USP25: variants seen among roughly 807,000 people sequenced by gnomAD.
USP25 encodes ubiquitin specific peptidase 25, also known as ubiquitin carboxyl-terminal hydrolase 25.
Under a neutral mutation model 158.5 loss-of-function variants are expected in USP25, and 85 were observed. The ratio of observed to expected loss-of-function variants is 0.54; its 90% CI spans 0.45 to 0.64. The LOEUF (loss-of-function observed/expected upper bound fraction) is 0.64. Ranked by LOEUF, USP25 falls within the 30% of genes least tolerant of loss-of-function variation. The probability of loss-of-function intolerance (pLI) is 0.00; values close to 1 mark genes in which losing one functional copy is unlikely to be tolerated. For synonymous variants in USP25, 464 were observed against 460.4 expected, an observed-to-expected ratio of 1.01 and a Z score of -0.10; for missense variants, 1,242 against 1,327.3, an observed-to-expected ratio of 0.94 and a Z score of 1.00.
intron 22 of USP25, among the ~76,000 whole-genome samples, chr21:15,867,110 C>A (rs575472805): frequency 1.3e-5 from 2 of 152,120 alleles, no homozygotes; most frequent in African/African-American, 4.8e-5. Context: ...TTTTTGTGCA[C>A]AAAATTATTT....
chr21:15,847,841 G>T, intron 19 of USP25, 65 bp downstream of exon 19: 1 of 1,082,196 alleles, frequency 9.2e-7, no homozygotes, highest in East Asian at 2.6e-5. Context: ...AATACTTTGG[G>T]CATGCCTGCA....
chr21:15,814,153 T>C (rs1186590148), intron 9 of USP25, among the ~76,000 whole-genome samples: 1 of 149,780 alleles, frequency 6.7e-6, no homozygotes, highest in Non-Finnish European at 1.5e-5. Context: ...TTGAGATTTA[T>C]CTGGGGTTTC....
In USP25 at chr21:15,766,151, C is replaced by G; in HGVS notation, c.268+10C>G. The G allele has an allele frequency of 4.4e-6, 7 of 1,579,310 alleles. No homozygotes were observed. Among genetic ancestry groups the G allele is most frequent in the Non-Finnish European group, 6.0e-6 (7 of 1,169,842 alleles). Reference sequence around the variant, plus strand: ...AGCCAAGCAGATACAAGTAAGTTTTCTTTCTTTTCTTATTATTTTAATAGA... The same window carrying G: ...AGCCAAGCAGATACAAGTAAGTTTTGTTTCTTTTCTTATTATTTTAATAGA... On this transcript the variant is annotated intron_variant, in intron 3 of 25. Coordinates refer to ENST00000400183, the MANE Select transcript of USP25 (RefSeq NM_001283041.3). The surrounding 1 kb of genome is among the most constrained non-coding windows in gnomAD (Gnocchi z 4.0).
chr21:15,788,243 T>C (rs1409776102), intron 4 of USP25, among the ~76,000 whole-genome samples: 2 of 151,716 alleles, frequency 1.3e-5, no homozygotes, highest in African/African-American at 4.8e-5. Flanking sequence ...AGAGCTTGGG[T>C]AGTATCATTG....
chr21:15,861,665 G>T (rs2039432083), intron 20 of USP25, among the ~76,000 whole-genome samples: 1 of 152,096 alleles, frequency 6.6e-6, no homozygotes, highest in Non-Finnish European at 1.5e-5. Flanking sequence ...TCTTAAGGAA[G>T]TGTGTAAAAA....
intron 1 of USP25, among the ~76,000 whole-genome samples, chr21:15,758,849 G>A (rs2033559972): frequency 6.6e-6 from 1 of 151,970 alleles, no homozygotes; most frequent in African/African-American, 2.4e-5. Flanking sequence ...GAACAGCATG[G>A]GAAAAACCCG....
intron 4 of USP25, among the ~76,000 whole-genome samples, chr21:15,787,862 A>C (rs571960100): frequency 3.3e-5 from 5 of 151,198 alleles, no homozygotes; most frequent in Non-Finnish European, 7.4e-5. Flanking sequence ...GCTATAGGCA[A>C]TTTAACAACA....
chr21:15,852,327 A>G (rs745355957), intron 20 of USP25, among the ~76,000 whole-genome samples: 12 of 151,988 alleles, frequency 7.9e-5, no homozygotes, highest in Admixed American at 3.9e-4. Context: ...AGTAGTTTAT[A>G]TGTTGATATT....
At chr21:15,858,202 T>A (rs1202280612) in intron 20 of USP25, among the ~76,000 whole-genome samples, 2 of 152,116 alleles carry the variant, frequency 1.3e-5, no homozygotes, top group Admixed American at 6.5e-5. Flanking sequence ...TGATGATTTT[T>A]AAAATCAATT....
chr21:15,730,376 G>A lies in USP25; in HGVS notation c.-18G>A, dbSNP rs1279822596. On this transcript the variant is annotated 5_prime_UTR_variant, in exon 1 of 26. Transcript: ENST00000400183. ...GCCGGGCGCCACCGCCGCCGCCGCC[G>A]CCGCCGCCGCGGGGGCCATGACCGT... 1 of 1,231,562 alleles carries A rather than the reference G, an allele frequency of 8.1e-7. No individual in the cohort carries two copies. The highest frequency in any genetic ancestry group is 1.0e-6 in the Non-Finnish European group (1 of 983,806). The allele number at this position is 1,231,562 out of a possible 1,614,324, so 76.3% of individuals were successfully genotyped here. A position where few individuals can be genotyped will look rare whatever the true frequency, so the allele number is the denominator to read the frequency against.
chr21:15,736,098 T>C (rs2123171373), intron 1 of USP25, among the ~76,000 whole-genome samples: 1 of 150,504 alleles, frequency 6.6e-6, no homozygotes, highest in Non-Finnish European at 1.5e-5. Context: ...GCTGATCTTA[T>C]TTCCTGCTTT....
chr21:15,866,389 G>T, intron 22 of USP25, 45 bp downstream of exon 22: 1 of 1,401,370 alleles, frequency 7.1e-7, no homozygotes, highest in South Asian at 1.5e-5. Flanking sequence ...TAGGGATTCT[G>T]TAATTCACTG....
chr21:15,864,585 C>A, intron 21 of USP25, 139 bp downstream of exon 21: 1 of 747,662 alleles, frequency 1.3e-6, no homozygotes, highest in Non-Finnish European at 2.0e-6. Context: ...AATTTGAACT[C>A]AATGTGACTA....
chr21:15,748,454 G>GTTTTTTTTTTT (rs71331787), intron 1 of USP25, among the ~76,000 whole-genome samples: 3 of 78,996 alleles, frequency 3.8e-5, no homozygotes, highest in Admixed American at 1.4e-4. Flanking sequence ...CTACTTTTTA[G>GTTTTTTTTTTT]TTTTTTTTTT....
chr21:15,861,685 G>A (rs2039433335), intron 20 of USP25, among the ~76,000 whole-genome samples: 1 of 152,048 alleles, frequency 6.6e-6, no homozygotes, highest in African/African-American at 2.4e-5. Flanking sequence ...AATAGTTAAG[G>A]AATGCATTTA....
intron 22 of USP25, 105 bp downstream of exon 22, chr21:15,866,449 G>T: frequency 1.3e-6 from 1 of 754,470 alleles, no homozygotes; most frequent in Non-Finnish European, 1.9e-6. Context: ...TATGAATGAT[G>T]AGTAAAAAAA....
intron 2 of USP25, among the ~76,000 whole-genome samples, chr21:15,765,689 G>GT (rs2034000479): frequency 6.6e-6 from 1 of 151,874 alleles, no homozygotes; most frequent in Non-Finnish European, 1.5e-5. Flanking sequence ...ACCTTTTTTA[G>GT]TTTATTTGTT....
intron 1 of USP25, among the ~76,000 whole-genome samples, chr21:15,735,095 T>TTA (rs1197586733): frequency 5.9e-5 from 9 of 152,238 alleles, no homozygotes; most frequent in Admixed American, 1.3e-4. Flanking sequence ...GCCCCTGCTC[T>TTA]TAACCACAAT....
intron 7 of USP25, among the ~76,000 whole-genome samples, chr21:15,807,182 C>T (rs2036433259): frequency 6.6e-6 from 1 of 152,166 alleles, no homozygotes; most frequent in Non-Finnish European, 1.5e-5. Context: ...CCTGGTTTGG[C>T]CTCCCAAAGT....
Sources: allele counts gnomAD v4.1 joint callset (sites outside exome capture counted in the v4.1 genomes callset), GRCh38; gene constraint gnomAD v4.1.1; non-coding constraint Gnocchi (gnomAD v3.1); transcripts MANE v1.5; gene names NCBI Gene and HGNC (gene_info 2026-07-23, HGNC 2026-07-21).